The following PCDHGA6 variants were observed in gnomAD, a reference collection of about 807,000 sequenced individuals.
PCDHGA6 encodes the protein protocadherin gamma subfamily A, 6.
In PCDHGA6, 41 loss-of-function variants were observed where a neutral mutation model predicts 60.6. That is an observed-to-expected ratio of 0.68 (90% confidence interval 0.53 to 0.88). The LOEUF (loss-of-function observed/expected upper bound fraction) is 0.88, where lower values mean the gene tolerates loss of function less well. Ranked by LOEUF, PCDHGA6 falls within the 40% of genes least tolerant of loss-of-function variation. The pLI, the probability that PCDHGA6 is intolerant of heterozygous loss-of-function variation, is 0.00. For synonymous variants in PCDHGA6, 594 were observed against 524.4 expected (o/e 1.13, Z -1.81); for missense variants, 1,312 against 1,203.0 (o/e 1.09, Z -1.34).
intron 1 of PCDHGA6, chr5:141,413,404 C>T: frequency 6.2e-7 from 1 of 1,614,046 alleles, no homozygotes; most frequent in Non-Finnish European, 8.5e-7. Context: ...AGGTAGGACG[C>T]AGCTTTTCTC....
chr5:141,476,336 C>G lies in PCDHGA6; in HGVS notation c.2425-18471C>G, dbSNP rs1228900349. The G allele has an allele frequency of 2.5e-6, 4 of 1,614,008 alleles. No individual in the cohort carries two copies. The highest frequency in any genetic ancestry group is 2.2e-5 in the East Asian group (1 of 44,854). ...GTTCCGGGTGGTGTCTGGAGCTAGC[C>G]GAAGATTCTTTGAGGTGAACCGGGA... On this transcript the variant is annotated intron_variant, in intron 1 of 3. Coordinates refer to ENST00000517434, the MANE Select transcript of PCDHGA6 (RefSeq NM_018919.3). The surrounding 1 kb of genome is among the most constrained non-coding windows in gnomAD (Gnocchi z 7.6).
intron 1 of PCDHGA6, among the ~76,000 whole-genome samples, chr5:141,461,046 G>A (rs984653754): frequency 6.6e-6 from 1 of 151,578 alleles, no homozygotes; most frequent in Non-Finnish European, 1.5e-5. Context: ...AGTCGATGGG[G>A]ACTTAGGTTG....
In PCDHGA6 at chr5:141,503,993, C is replaced by T. The variant is rs376134059; in HGVS notation, c.2484-1400C>T. Reference sequence around the variant, plus strand: ...GTGCCAAACCCTTCTTCTTACCTTACAGTCACTTAACTGTCTCTGCTGGTC... The same window carrying T: ...GTGCCAAACCCTTCTTCTTACCTTATAGTCACTTAACTGTCTCTGCTGGTC... On this transcript the variant is annotated intron_variant, in intron 2 of 3. Transcript: ENST00000517434. Among the ~76,000 whole-genome samples, 13 of 152,312 alleles carry T rather than the reference C, an allele frequency of 8.5e-5. 1 individual carries two copies. In the East Asian group the frequency reaches 1.7e-3, roughly 20 times the overall value.
At chr5:141,499,019 AGGAAGGAAGAAAAG>A (rs2099788655) in intron 2 of PCDHGA6, among the ~76,000 whole-genome samples, 1 of 150,840 alleles carries the variant, frequency 6.6e-6, no homozygotes, top group Non-Finnish European at 1.5e-5. Flanking sequence ...GAAGGAAGGA[AGGAAGGAAGAAAAG>A]AAAGAAAAAG....
At chr5:141,394,310 GC>G in intron 1 of PCDHGA6, 6 of 1,613,936 alleles carry the variant, frequency 3.7e-6, no homozygotes, top group Non-Finnish European at 5.1e-6. Context: ...TGCAGGGGGC[GC>G]CCCTGTCCTC....
intron 1 of PCDHGA6, chr5:141,387,557 G>C (rs571413429): frequency 2.4e-6 from 1 of 416,144 alleles, no homozygotes; most frequent in South Asian, 5.2e-5. Context: ...TTTCAGTTAG[G>C]CACACAATTA....
intron 1 of PCDHGA6, chr5:141,410,849 CTT>C (rs759346998): frequency 0.032 from 4,298 of 136,266 alleles, no homozygotes; most frequent in South Asian, 0.069. Flanking sequence ...TTGTCTTTGT[CTT>C]TTTTTTTTTT....
intron 1 of PCDHGA6, chr5:141,409,073 A>G (rs200127436): frequency 6.2e-7 from 1 of 1,613,866 alleles, no homozygotes. Context: ...CACAAAACAT[A>G]TGTTCTCATT....
intron 1 of PCDHGA6, chr5:141,391,234 G>C (rs2092322160): frequency 6.6e-6 from 1 of 151,932 alleles, no homozygotes; most frequent in African/African-American, 2.4e-5. Context: ...CCTTTTGCTA[G>C]GTATATCTAA....
Position 141,389,722 on chromosome 5 carries a change from G to C in PCDHGA6, c.2424+13215G>C, listed in dbSNP as rs141134077. 15,348 of 1,612,674 alleles carry C rather than the reference G, an allele frequency of 9.5e-3. 102 individuals are homozygous for C. The highest frequency in any genetic ancestry group is 0.028 in the Middle Eastern group (161 of 5,786). On this transcript the variant is annotated intron_variant, in intron 1 of 3. Coordinates refer to ENST00000517434, the MANE Select transcript of PCDHGA6 (RefSeq NM_018919.3). ...CACGTGCTGCAGGCTAGCGAGCCCG[G>C]GCTCTTCAGCCTGGGGCTGCGCACG...
chr5:141,477,878 C>A lies in PCDHGA6; in HGVS notation c.2425-16929C>A. ...GCTGCCTCGAGGTACCTCAGCTGGC[C>A]ACCTAGTGTCACGGGTGGTAGGCTG... is the stretch of plus-strand genomic sequence containing the variant. On this transcript the variant is annotated intron_variant, in intron 1 of 3. Transcript: ENST00000517434. The surrounding 1 kb of genome is among the most constrained non-coding windows in gnomAD (Gnocchi z 4.9). 1.2e-6 allele frequency: 2 copies of A among 1,614,158 alleles called. No individual in the cohort carries two copies. Among genetic ancestry groups the A allele is most frequent in the Non-Finnish European group, 1.7e-6 (2 of 1,180,008 alleles).
chr5:141,375,214 C>A lies in PCDHGA6; in HGVS notation c.1131C>A (p.Gly377=). The change falls in exon 1 of 4, where the codon GGC becomes GGA. Residue 377 remains glycine (G), a synonymous_variant. Coordinates refer to ENST00000517434, the MANE Select transcript of PCDHGA6 (RefSeq NM_018919.3). ...TTCAAGTGTTCGATCGAGACTCTGGCCTGAATGGCCTGGTAACCTGTTCCA... is the reference window on the plus strand; with the variant it reads ...TTCAAGTGTTCGATCGAGACTCTGGACTGAATGGCCTGGTAACCTGTTCCA... ...ALFQVFDRDS[G]LNGLVTCSIP... 1 of 1,613,928 alleles carries A rather than the reference C, an allele frequency of 6.2e-7. No homozygotes were observed.
intron 3 of PCDHGA6, among the ~76,000 whole-genome samples, chr5:141,508,954 C>A (rs2154594435): frequency 6.6e-6 from 1 of 152,170 alleles, no homozygotes; most frequent in Admixed American, 6.5e-5. Context: ...AGAGAAATGT[C>A]AGCGGAATGA....
chr5:141,403,961 G>T (rs763967342), intron 1 of PCDHGA6: 14 of 1,613,774 alleles, frequency 8.7e-6, no homozygotes, highest in Middle Eastern at 1.6e-4. Context: ...GCTCATTTCG[G>T]TGGAAGATGT....
chr5:141,410,186 C>G, intron 1 of PCDHGA6: 1 of 1,613,940 alleles, frequency 6.2e-7, no homozygotes, highest in Non-Finnish European at 8.5e-7. Flanking sequence ...CACGCTTCAT[C>G]TGGTCTTCGC....
chr5:141,504,351 G>A (rs77439649), intron 2 of PCDHGA6, among the ~76,000 whole-genome samples: 2 of 152,010 alleles, frequency 1.3e-5, no homozygotes, highest in African/African-American at 4.8e-5. Context: ...CTTTGTGCTA[G>A]GTGCTTCAGT....
rs1437409726 is a variant in PCDHGA6, at chr5:141,471,036, C to T, written c.2425-23771C>T. Among the ~76,000 whole-genome samples the T allele has an allele frequency of 2.8e-5, 4 of 144,908 alleles. No homozygotes were observed. The South Asian group carries it at 6.5e-4, about 24-fold the overall frequency. ...CTGGTCAATCATTTTTATTAACAAG[C>T]CCAAGCCCTCTTTTTTTTTTTTTTT... On this transcript the variant is annotated intron_variant, in intron 1 of 3. Transcript: ENST00000517434.
At position 141,489,335 on chromosome 5, in the gene PCDHGA6, G is replaced by C. The variant is rs138015049; in HGVS notation, c.2425-5472G>C. 1.4e-5 allele frequency: 22 copies of C among 1,607,364 alleles called. No individual in the cohort carries two copies. Among genetic ancestry groups the C allele is most frequent in the Non-Finnish European group, 1.9e-5 (22 of 1,175,842 alleles). The stretch of plus-strand genomic sequence containing the variant: ...TGGGGCTGGGTGTCTGGGCAGCTTC[G>C]TTACTCAGTGGTGGAGGAGTCTGAG... On this transcript the variant is annotated intron_variant, in intron 1 of 3. Transcript: ENST00000517434. This position sits in a 1 kb window ranked among gnomAD's most constrained non-coding sequence, Gnocchi z 4.5.
In PCDHGA6 at chr5:141,375,452, T is replaced by C. The variant is rs772369254; in HGVS notation, c.1369T>C (p.Tyr457His). The part of the protein sequence containing the change: ...DNPPTFPHSS[Y>H]SVYVLENNPR... ...CCCGCCCACCTTCCCCCATTCATCCTACTCAGTCTATGTCCTTGAAAACAA... is the reference window on the plus strand; with the variant it reads ...CCCGCCCACCTTCCCCCATTCATCCCACTCAGTCTATGTCCTTGAAAACAA... Residue 457 changes from tyrosine to histidine, a missense_variant, in exon 1 of 4, where the codon TAC becomes CAC. Coordinates refer to ENST00000517434, the MANE Select transcript of PCDHGA6 (RefSeq NM_018919.3). 1.2e-6 allele frequency: 2 copies of C among 1,613,876 alleles called. No homozygotes were observed. The highest frequency in any genetic ancestry group is 1.7e-6 in the Non-Finnish European group (2 of 1,180,016).
Sources: gnomAD v4.1 joint callset for allele counts (sites outside exome capture counted in the v4.1 genomes callset) on GRCh38, gnomAD v4.1.1 for gene constraint, Gnocchi (gnomAD v3.1) non-coding constraint, MANE v1.5 for transcripts, NCBI Gene and HGNC (gene_info 2026-07-23, HGNC 2026-07-21) for gene names.